The following ANKRD11 variants were observed in gnomAD, a reference collection of about 807,000 sequenced individuals.
ANKRD11 encodes ankyrin repeat domain-containing protein 11.
In ANKRD11, 17 loss-of-function variants were observed where a neutral mutation model predicts 195.7. That is an observed-to-expected ratio of 0.09 (90% CI 0.06 to 0.13). ANKRD11 has a LOEUF of 0.13. Among genes scored for constraint, ANKRD11 ranks in the 10% least tolerant of loss-of-function variants. The pLI, the probability that ANKRD11 is intolerant of heterozygous loss-of-function variation, is 1.00. For missense variants in ANKRD11, 3,735 were observed against 3,566.1 expected (o/e 1.05, Z -1.21); for synonymous variants, 1,953 against 1,528.1 (o/e 1.28, Z -6.49).
At chr16:89,269,513 A>G (rs950286578) in intron 12 of ANKRD11, among the ~76,000 whole-genome samples, 2 of 152,190 alleles carry the variant, frequency 1.3e-5, no homozygotes, top group African/African-American at 4.8e-5. Context: ...ACATGGAATC[A>G]TATAATACCC....
chr16:89,316,902 A>G, intron 3 of ANKRD11, 31 bp downstream of exon 3: 2 of 1,607,842 alleles, frequency 1.2e-6, no homozygotes, highest in South Asian at 1.1e-5. Context: ...GGGTGCGGTG[A>G]GCATGCAGGG....
chr16:89,409,616 C>A (rs765182209), intron 2 of ANKRD11, among the ~76,000 whole-genome samples: 1 of 152,136 alleles, frequency 6.6e-6, no homozygotes, highest in Non-Finnish European at 1.5e-5. Context: ...GAGTTCCAGG[C>A]CAGTCTGAGC....
intron 2 of ANKRD11, among the ~76,000 whole-genome samples, chr16:89,357,175 T>C (rs2152047533): frequency 6.6e-6 from 1 of 152,294 alleles, no homozygotes; most frequent in South Asian, 2.1e-4. Flanking sequence ...CGGCCAGAGC[T>C]ACAACACACC....
At chr16:89,396,081 C>T (rs1201055995) in intron 2 of ANKRD11, 2 of 152,206 alleles carry the variant, frequency 1.3e-5, no homozygotes, top group African/African-American at 4.8e-5. Flanking sequence ...GAAGGAAAGA[C>T]AGCTGCAAGT....
intron 2 of ANKRD11, among the ~76,000 whole-genome samples, chr16:89,387,236 A>T (rs1190953138): frequency 2.6e-5 from 4 of 152,088 alleles, no homozygotes. Context: ...AGTTAAAAAA[A>T]AAAAAAGCAT....
At chr16:89,348,031 T>C (rs558883009) in intron 2 of ANKRD11, among the ~76,000 whole-genome samples, 43 of 152,016 alleles carry the variant, frequency 2.8e-4, no homozygotes, top group Non-Finnish European at 5.9e-4. Context: ...CCTCCTGGGC[T>C]CAATGGATCT....
intron 2 of ANKRD11, chr16:89,403,772 A>C (rs139357448): frequency 6.6e-6 from 1 of 152,276 alleles, no homozygotes; most frequent in East Asian, 1.9e-4. Flanking sequence ...TAAAAAAGTA[A>C]AAATAAAAAA....
chr16:89,323,484 C>CAGGGCAGGGGGGCAGAGCCG (rs1567645548), intron 2 of ANKRD11, among the ~76,000 whole-genome samples: 1 of 53,228 alleles, frequency 1.9e-5, no homozygotes, highest in African/African-American at 1.0e-4. Flanking sequence ...GGGCAGAGCC[C>CAGGGCAGGGGGGCAGAGCCG]AGGGCAGGGG....
At chr16:89,388,947 G>A (rs1441693471) in intron 2 of ANKRD11, among the ~76,000 whole-genome samples, 1 of 152,186 alleles carries the variant, frequency 6.6e-6, no homozygotes, top group African/African-American at 2.4e-5. Flanking sequence ...AGCCCAAGAT[G>A]ACTTACAGGA....
At chr16:89,270,762 C>T in intron 12 of ANKRD11, 55 bp downstream of exon 12, 1 of 1,582,052 alleles carries the variant, frequency 6.3e-7, no homozygotes, top group Non-Finnish European at 8.6e-7. Context: ...CCACCCATCA[C>T]AGAACTGGGC....
chr16:89,451,234 G>A (rs530763298), intron 1 of ANKRD11, among the ~76,000 whole-genome samples: 5 of 152,076 alleles, frequency 3.3e-5, no homozygotes, highest in Non-Finnish European at 7.4e-5. Context: ...AGTTTTAAGG[G>A]TGTTTCGGGT....
chr16:89,484,456 C>T (rs567145307), intron 1 of ANKRD11, among the ~76,000 whole-genome samples: 6 of 152,142 alleles, frequency 3.9e-5, no homozygotes, highest in Admixed American at 2.0e-4. Context: ...GTAAGCTAAT[C>T]CTAACTCTAG....
intron 3 of ANKRD11, among the ~76,000 whole-genome samples, chr16:89,307,923 A>G (rs2036388409): frequency 6.6e-6 from 1 of 151,712 alleles, no homozygotes; most frequent in Non-Finnish European, 1.5e-5. Flanking sequence ...TTTCTACCAA[A>G]CATGTGAAGG....
intron 9 of ANKRD11, among the ~76,000 whole-genome samples, chr16:89,276,181 G>A (rs968575917): frequency 5.9e-5 from 9 of 152,170 alleles, no homozygotes; most frequent in African/African-American, 1.9e-4. Flanking sequence ...AGCCAAGGCT[G>A]GGGCGACTCA....
chr16:89,456,496 C>A (rs62070273), intron 1 of ANKRD11, among the ~76,000 whole-genome samples: 1,747 of 149,734 alleles, frequency 0.012, 12 homozygotes, highest in Non-Finnish European at 0.018. Flanking sequence ...TGCAGCAAGC[C>A]GAGATCACGC....
At chr16:89,362,423 A>G (rs576010606) in intron 2 of ANKRD11, among the ~76,000 whole-genome samples, 1 of 152,282 alleles carries the variant, frequency 6.6e-6, no homozygotes, top group Admixed American at 6.5e-5. Flanking sequence ...ACCCAAACCT[A>G]AATTGCACAG....
intron 7 of ANKRD11, chr16:89,288,120 A>C: frequency 1.7e-6 from 1 of 597,500 alleles, no homozygotes; most frequent in Non-Finnish European, 3.0e-6. Context: ...GGTTCTGTGC[A>C]CTGGCCACAC....
intron 1 of ANKRD11, among the ~76,000 whole-genome samples, chr16:89,474,778 T>C (rs1032396919): frequency 9.2e-5 from 14 of 152,240 alleles, no homozygotes; most frequent in African/African-American, 3.1e-4. Flanking sequence ...ATTAACAAAA[T>C]GCTGCCTTCA....
intron 7 of ANKRD11, 27 bp from the exon 8 acceptor site, chr16:89,286,213 G>A: frequency 6.2e-7 from 1 of 1,609,866 alleles, no homozygotes; most frequent in Non-Finnish European, 8.5e-7. Flanking sequence ...CCCGCGTCAG[G>A]GACTGCTGGA....
Sources: allele counts gnomAD v4.1 joint callset (sites outside exome capture counted in the v4.1 genomes callset), GRCh38; gene constraint gnomAD v4.1.1; transcripts MANE v1.5; gene names NCBI Gene and HGNC (gene_info 2026-07-23, HGNC 2026-07-21).